GMPPA: variants seen among roughly 807,000 people sequenced by gnomAD.
GMPPA encodes mannose-1-phosphate guanylyltransferase regulatory subunit alpha.
GMPPA carries 46 observed loss-of-function variants against 58.6 expected under a neutral mutation model. That is an observed-to-expected ratio of 0.78 (90% confidence interval 0.62 to 1.00). The LOEUF is 1.00. Ranked by LOEUF, GMPPA falls within the 50% of genes least tolerant of loss-of-function variation. The probability of loss-of-function intolerance (pLI) is 0.00; values close to 1 mark genes in which losing one functional copy is unlikely to be tolerated. For synonymous variants in GMPPA, 211 were observed against 214.9 expected, an observed-to-expected ratio of 0.98 and a Z score of 0.16; for missense variants, 468 against 556.4, an observed-to-expected ratio of 0.84 and a Z score of 1.60.
chr2:219,504,918 G>A, intron 7 of GMPPA: 1 of 1,142,500 alleles, frequency 8.8e-7, no homozygotes, highest in Non-Finnish European at 1.1e-6. Flanking sequence ...GGGTAACTTG[G>A]AGGGGGTAAA....
chr2:219,506,320 G>T lies in GMPPA; in HGVS notation c.1060G>T (p.Glu354Ter). 6.2e-7 allele frequency: 1 copy of T among 1,613,760 alleles called. No homozygotes were observed. The change falls in exon 12 of 13, where the codon GAG (glutamate) becomes TAG (stop). Residue 354 changes from glutamate to a stop codon, truncating the protein, a stop_gained. Transcript: ENST00000313597. LOFTEE classifies it high-confidence loss of function. ...CACCGTGGGACGCTGGGCCCGCGTG[G>T]AGGGTACCCCCAGTGACCCTAACCC... ...GSTVGRWARV[E>*]GTPSDPNPND...
At chr2:219,504,363 T>G (rs568932703) in intron 7 of GMPPA, 150 bp downstream of exon 7, 1 of 676,390 alleles carries the variant, frequency 1.5e-6, no homozygotes, top group African/African-American at 1.8e-5. Context: ...GCCTCCTGAG[T>G]CCCTCCCCTT....
At chr2:219,505,072 GA>G in intron 7 of GMPPA, 155 bp from the exon 8 acceptor site, 3 of 921,822 alleles carry the variant, frequency 3.3e-6, no homozygotes, top group South Asian at 1.8e-5. Flanking sequence ...CCTGGGATGT[GA>G]GCAGCCACAT....
In GMPPA at chr2:219,506,020, G is replaced by T. The variant is rs1189962009; in HGVS notation, c.941G>T (p.Gly314Val). 8 of 1,596,334 alleles carry T rather than the reference G, an allele frequency of 5.0e-6. No homozygotes were observed. Among genetic ancestry groups the T allele is most frequent in the Non-Finnish European group, 6.8e-6 (8 of 1,169,644 alleles). ...TCCATCGGGAAGGGGGTGACCGTGG[G>T]TGAGGGTGTGCGGCTCCGGGAGAGC... ...NVSIGKGVTV[G>V]EGVRLRESIV... Residue 314 changes from glycine to valine, a missense_variant, in exon 11 of 13, where the codon GGT becomes GTT. Gly to Val is a moderately radical substitution (Grantham distance 109). Coordinates refer to ENST00000313597, the MANE Select transcript of GMPPA (RefSeq NM_013335.4).
Position 219,505,209 on chromosome 2 carries a change from C to T in GMPPA, c.621-19C>T, listed in dbSNP as rs1694535440. On this transcript the variant is annotated intron_variant, in intron 7 of 12. Transcript: ENST00000313597. ...GGCTCAGCTGGGGGACTAATGTCAG[C>T]ATTCTTCCTCTCTGCCAGGGAGGAC... The T allele has an allele frequency of 6.2e-6, 10 of 1,611,300 alleles. No homozygotes were observed. Among genetic ancestry groups the T allele is most frequent in the Admixed American group, 1.7e-5 (1 of 59,940 alleles).
At position 219,502,265 on chromosome 2, in the gene GMPPA, AG is replaced by A. The variant is rs1694425569; in HGVS notation, c.430-115del. 1.0e-6 allele frequency: 1 copy of A among 969,426 alleles called. No homozygotes were observed. Among genetic ancestry groups the A allele is most frequent in the Non-Finnish European group, 1.6e-6 (1 of 614,704 alleles). The allele number at this position is 969,426 out of a possible 1,614,324, so 60.1% of individuals were successfully genotyped here. On this transcript the variant is annotated intron_variant, in intron 5 of 12. Coordinates refer to ENST00000313597, the MANE Select transcript of GMPPA (RefSeq NM_013335.4). This position sits in a 1 kb window ranked among gnomAD's most constrained non-coding sequence, Gnocchi z 4.0. ...AGCTGTCAGTTTCCACCCTTGCTGA[AG>A]GCCTGTCAGTGGCAGAGCTGCATGC...
Position 219,504,176 on chromosome 2 carries a change from C to T in GMPPA, c.583C>T (p.Arg195Trp), listed in dbSNP as rs147832114. ...LFSPEALKPL[R>W]DVFQRNQQDG... The stretch of plus-strand genomic sequence containing the variant: ...TTCTCCTGAAGCCTTGAAGCCTCTT[C>T]GGGATGTCTTCCAGCGTAATCAGCA... The change falls in exon 7 of 13, where the codon CGG becomes TGG. Residue 195 changes from arginine to tryptophan, a missense_variant. Transcript: ENST00000313597. 60 of 1,613,894 alleles carry T rather than the reference C, an allele frequency of 3.7e-5. No individual in the cohort carries two copies. The highest frequency in any genetic ancestry group is 6.7e-5 in the African/African-American group (5 of 74,898).
chr2:219,501,422 C>G, intron 3 of GMPPA, 54 bp from the exon 4 acceptor site: 2 of 1,114,768 alleles, frequency 1.8e-6, no homozygotes, highest in Non-Finnish European at 2.7e-6. Flanking sequence ...AGGATTTCCC[C>G]AACATCCCCT....
Position 219,504,157 on chromosome 2 carries a change from T to C in GMPPA, c.564T>C (p.Pro188=), listed in dbSNP as rs1486095596. The change falls in exon 7 of 13, where the codon CCT becomes CCC. Residue 188 remains proline (P), a synonymous_variant. Coordinates refer to ENST00000313597, the MANE Select transcript of GMPPA (RefSeq NM_013335.4). ...IINCGIYLFS[P]EALKPLRDVF... ...ACTGCGGCATCTACCTCTTTTCTCC[T>C]GAAGCCTTGAAGCCTCTTCGGGATG... 1.2e-6 allele frequency: 2 copies of C among 1,613,732 alleles called. No individual in the cohort carries two copies. The highest frequency in any genetic ancestry group is 2.2e-5 in the East Asian group (1 of 44,892).
At chr2:219,499,629 C>T (rs1411385627) in intron 1 of GMPPA, 1 of 335,978 alleles carries the variant, frequency 3.0e-6, no homozygotes, top group Non-Finnish European at 5.5e-6. Flanking sequence ...GGTTTGAAGG[C>T]CGACTGGAAT....
In GMPPA at chr2:219,502,398, C is replaced by A; in HGVS notation, c.446C>A (p.Ser149Tyr). Reference protein sequence around the residue: ...LLGTTANRTQSLNYGCIVENP... With the variant: ...LLGTTANRTQYLNYGCIVENP... ...GTCTTTCAGGCTAACAGGACGCAAT[C>A]CCTCAACTACGGCTGCATCGTTGAG... The change falls in exon 6 of 13, where the codon TCC becomes TAC. Residue 149 changes from serine to tyrosine, a missense_variant. Transcript: ENST00000313597. The surrounding 1 kb of genome is among the most constrained non-coding windows in gnomAD (Gnocchi z 4.0). 6.2e-7 allele frequency: 1 copy of A among 1,613,970 alleles called. No individual in the cohort carries two copies. The highest frequency in any genetic ancestry group is 8.5e-7 in the Non-Finnish European group (1 of 1,179,888).
intron 7 of GMPPA, 65 bp from the exon 8 acceptor site, chr2:219,505,163 C>T: frequency 1.3e-6 from 2 of 1,553,884 alleles, no homozygotes; most frequent in Non-Finnish European, 1.8e-6. Context: ...CCCTGGGAGA[C>T]TGTGTTAGCC....
At chr2:219,501,601 T>G in intron 4 of GMPPA, 22 bp downstream of exon 4, 3 of 1,385,098 alleles carry the variant, frequency 2.2e-6, no homozygotes, top group Non-Finnish European at 3.1e-6. Flanking sequence ...CACACTCGTA[T>G]ATGGGGGGGT....
chr2:219,506,111 G>C, intron 11 of GMPPA, 39 bp downstream of exon 11: 1 of 1,488,838 alleles, frequency 6.7e-7, no homozygotes, highest in Non-Finnish European at 9.2e-7. Flanking sequence ...GACACCCCAA[G>C]AGGCTGCGGG....
rs779237260 is a variant in GMPPA at position 219,506,398 on chromosome 2, C to T, written c.1138C>T (p.Leu380=). Residue 380 remains leucine (L), a synonymous_variant, in exon 12 of 13, where the codon CTG becomes TTG. Transcript: ENST00000313597. ...TGAGAGCCTCTTCAAGGACGGGAAG[C>T]TGCTGCCTGCTATCACCATCCTGGG... The part of the protein sequence containing the change: ...DSESLFKDGK[L]LPAITILGCR... 1 of 1,613,028 alleles carries T rather than the reference C, an allele frequency of 6.2e-7. No individual in the cohort carries two copies. Among genetic ancestry groups the T allele is most frequent in the Admixed American group, 1.7e-5 (1 of 60,000 alleles).
In GMPPA at chr2:219,501,460, CT is replaced by C; in HGVS notation, c.139-14del. Reference sequence around the variant, plus strand: ...TATTAGATATTCTTCATCCCAGCCTCTTCCCTTGTCCTCAGGTCCCTGGAAT... The same window carrying C: ...TATTAGATATTCTTCATCCCAGCCTCTCCCTTGTCCTCAGGTCCCTGGAAT... On this transcript the variant is annotated splice_polypyrimidine_tract_variant and intron_variant, in intron 3 of 12. Coordinates refer to ENST00000313597, the MANE Select transcript of GMPPA (RefSeq NM_013335.4). 7.0e-7 allele frequency: 1 copy of C among 1,421,084 alleles called. No individual in the cohort carries two copies. The highest frequency in any genetic ancestry group is 1.0e-6 in the Non-Finnish European group (1 of 1,003,840). 88.0% of individuals were successfully genotyped at this position (1,421,084 alleles called of 1,614,324 possible).
Position 219,506,687 on chromosome 2 carries a change from C to T in GMPPA, c.1163-11C>T. The T allele has an allele frequency of 6.6e-7, 1 of 1,516,972 alleles. No individual in the cohort carries two copies. The highest frequency in any genetic ancestry group is 9.2e-7 in the Non-Finnish European group (1 of 1,092,256). 94.0% of individuals were successfully genotyped at this position (1,516,972 alleles called of 1,614,324 possible). ...CCATGACCTCCCCTGGTGCCCTCAT[C>T]CATGCTGCAGGCTGCCGAGTCCGGA... On this transcript the variant is annotated splice_polypyrimidine_tract_variant and intron_variant, in intron 12 of 12. Coordinates refer to ENST00000313597, the MANE Select transcript of GMPPA (RefSeq NM_013335.4).
At chr2:219,504,520 A>C in intron 7 of GMPPA, 3 of 443,764 alleles carry the variant, frequency 6.8e-6, no homozygotes, top group African/African-American at 2.0e-5. Flanking sequence ...TTGGGCGCAC[A>C]CATGCTCGGG....
chr2:219,502,267 G>A lies in GMPPA; in HGVS notation c.430-115G>A. On this transcript the variant is annotated intron_variant, in intron 5 of 12. Transcript: ENST00000313597. This position sits in a 1 kb window ranked among gnomAD's most constrained non-coding sequence, Gnocchi z 4.0. ...CTGTCAGTTTCCACCCTTGCTGAAG[G>A]CCTGTCAGTGGCAGAGCTGCATGCC... 1 of 976,738 alleles carries A rather than the reference G, an allele frequency of 1.0e-6. No homozygotes were observed. 60.5% of individuals were successfully genotyped at this position (976,738 alleles called of 1,614,324 possible).
Sources: allele counts gnomAD v4.1 joint callset, GRCh38; gene constraint gnomAD v4.1.1; non-coding constraint Gnocchi (gnomAD v3.1); transcripts MANE v1.5; gene names NCBI Gene and HGNC (gene_info 2026-07-23, HGNC 2026-07-21).